USP29: variants seen among roughly 807,000 people sequenced by gnomAD.
USP29 encodes the protein ubiquitin carboxyl-terminal hydrolase 29.
For synonymous variants in USP29, 386 were observed against 387.4 expected (o/e 1.00, Z 0.04); for missense variants, 1,102 against 1,069.0 (o/e 1.03, Z -0.43).
chr19:57,129,807 G>A lies in USP29; in HGVS notation c.1132G>A (p.Gly378Ser), dbSNP rs370292359. Reference protein sequence around the residue: ...NMQNDAHEFLGQCLDQLKEDM... With the variant: ...NMQNDAHEFLSQCLDQLKEDM... ...GCAGAATGATGCTCATGAGTTTTTA[G>A]GTCAGTGTTTAGACCAGCTGAAAGA... Residue 378 changes from glycine to serine, a missense_variant, in exon 4 of 4, where the codon GGT (glycine) becomes AGT (serine). By Grantham distance (56) the Gly-to-Ser change is moderately conservative. Coordinates refer to ENST00000254181, the MANE Select transcript of USP29 (RefSeq NM_020903.3). 1.4e-4 allele frequency: 229 copies of A among 1,614,014 alleles called. No homozygotes were observed. Among genetic ancestry groups the A allele is most frequent in the Non-Finnish European group, 1.9e-4 (224 of 1,180,042 alleles).
rs757263775 is a variant in USP29 at position 57,129,051 on chromosome 19, C to T, written c.376C>T (p.Leu126=). The T allele has an allele frequency of 6.2e-7, 1 of 1,613,072 alleles. No individual in the cohort carries two copies. The highest frequency in any genetic ancestry group is 8.5e-7 in the Non-Finnish European group (1 of 1,179,672). Residue 126 remains leucine, a synonymous_variant, in exon 4 of 4, where the codon CTG becomes TTG. Coordinates refer to ENST00000254181, the MANE Select transcript of USP29 (RefSeq NM_020903.3). ...GAGTGTGTTTGAAAGCAGGAATATG[C>T]TGAAGGAAATTGACAAAACTTCATT... ...DWSVFESRNM[L]KEIDKTSFYS...
In USP29 at chr19:57,130,174, TTAG is replaced by T. The variant is rs2086848783; in HGVS notation, c.1503_1505del (p.Ser501del). On this transcript the variant is annotated inframe_deletion, in exon 4 of 4. Coordinates refer to ENST00000254181, the MANE Select transcript of USP29 (RefSeq NM_020903.3). Reference sequence around the variant, plus strand: ...AAGAGTTGTGTTGCAAGGCATACATTTAGTAGGCTCTCCAGGGTCCTTATCATT... The same window carrying T: ...AAGAGTTGTGTTGCAAGGCATACATTTAGGCTCTCCAGGGTCCTTATCATT... 1 of 1,613,954 alleles carries T rather than the reference TTAG, an allele frequency of 6.2e-7. No individual in the cohort carries two copies. The highest frequency in any genetic ancestry group is 1.1e-5 in the South Asian group (1 of 91,060).
rs1391286824 is a variant in USP29, at chr19:57,130,300, A to G, written c.1625A>G (p.Asn542Ser). 1.2e-6 allele frequency: 2 copies of G among 1,614,104 alleles called. No individual in the cohort carries two copies. The highest frequency in any genetic ancestry group is 2.2e-5 in the East Asian group (1 of 44,886). ...TCTTTAAGTTTATCTTCTTATTGCA[A>G]TGAAAGCACCAAACCACCTCTTCCC... ...PKSLSLSSYC[N>S]ESTKPPLPLS... Residue 542 changes from asparagine to serine, a missense_variant, in exon 4 of 4, where the codon AAT becomes AGT. By Grantham distance (46) the Asn-to-Ser change is conservative. Transcript: ENST00000254181.
rs1403106355 is a variant in USP29 at position 57,131,856 on chromosome 19, G to A, written c.*412G>A. The A allele has an allele frequency of 2.6e-5, 5 of 189,924 alleles. No homozygotes were observed. Among genetic ancestry groups the A allele is most frequent in the Admixed American group, 5.7e-5 (1 of 17,634 alleles). The allele number at this position is 189,924 out of a possible 1,614,324, so 11.8% of individuals were successfully genotyped here. A position where few individuals can be genotyped will look rare whatever the true frequency, so the allele number is the denominator to read the frequency against. On this transcript the variant is annotated 3_prime_UTR_variant, in exon 4 of 4. Coordinates refer to ENST00000254181, the MANE Select transcript of USP29 (RefSeq NM_020903.3). ...AAAGTTTGAAGAACACTGGTAATGTGTGGAGTATCTTGGTGTATTTTGCTA... is the reference window on the plus strand; with the variant it reads ...AAAGTTTGAAGAACACTGGTAATGTATGGAGTATCTTGGTGTATTTTGCTA...
In USP29 at chr19:57,130,506, G is replaced by A; in HGVS notation, c.1831G>A (p.Gly611Arg). The A allele has an allele frequency of 6.2e-7, 1 of 1,614,186 alleles. No homozygotes were observed. Among genetic ancestry groups the A allele is most frequent in the South Asian group, 1.1e-5 (1 of 91,080 alleles). Residue 611 changes from glycine (G) to arginine (R), a missense_variant, in exon 4 of 4, where the codon GGA (glycine) becomes AGA (arginine). By Grantham distance (125) the Gly-to-Arg change is moderately radical (BLOSUM62 -2). Transcript: ENST00000254181. The stretch of plus-strand genomic sequence containing the variant: ...CCTACAAAGATTCCAGAGAGACTGT[G>A]GAGATGCAAGCCAAGAGCAGCATCA... ...ADLQRFQRDC[G>R]DASQEQHQRD...
At position 57,130,368 on chromosome 19, in the gene USP29, G is replaced by A. The variant is rs777048841; in HGVS notation, c.1693G>A (p.Val565Ile). Reference sequence around the variant, plus strand: ...TGTTGGGAAATGTGAAGTCCTGGAAGTCTCTCAGGAGATGATTTCTGAGAT... The same window carrying A: ...TGTTGGGAAATGTGAAGTCCTGGAAATCTCTCAGGAGATGATTTCTGAGAT... The part of the protein sequence containing the change: ...APVGKCEVLE[V>I]SQEMISEINS... Residue 565 changes from valine to isoleucine, a missense_variant, in exon 4 of 4, where the codon GTC (valine) becomes ATC (isoleucine). Physicochemically the swap from Val to Ile is conservative, Grantham distance 29. Coordinates refer to ENST00000254181, the MANE Select transcript of USP29 (RefSeq NM_020903.3). The A allele has an allele frequency of 2.5e-6, 4 of 1,614,188 alleles. No homozygotes were observed. The highest frequency in any genetic ancestry group is 3.4e-6 in the Non-Finnish European group (4 of 1,180,028).
rs766037006 is a variant in USP29 at position 57,131,154 on chromosome 19, A to G, written c.2479A>G (p.Ser827Gly). The G allele has an allele frequency of 2.5e-6, 4 of 1,614,106 alleles. No homozygotes were observed. The stretch of plus-strand genomic sequence containing the variant: ...TCCTCTCCAGGCCTACAGACTCATC[A>G]GTGTTGTCAGCCATATCGGGAGCTC... ...GDPLQAYRLI[S>G]VVSHIGSSPN... The change falls in exon 4 of 4, where the codon AGT becomes GGT. Residue 827 changes from serine (S) to glycine (G), a missense_variant. Physicochemically the swap from Ser to Gly is moderately conservative, Grantham distance 56. Coordinates refer to ENST00000254181, the MANE Select transcript of USP29 (RefSeq NM_020903.3).
In USP29 at chr19:57,128,993, A is replaced by G. The variant is rs1378233696; in HGVS notation, c.318A>G (p.Lys106=). 3 of 1,614,168 alleles carry G rather than the reference A, an allele frequency of 1.9e-6. No individual in the cohort carries two copies. Among genetic ancestry groups the G allele is most frequent in the Non-Finnish European group, 2.5e-6 (3 of 1,180,028 alleles). Residue 106 remains lysine (K), a synonymous_variant, in exon 4 of 4, where the codon AAA becomes AAG. Coordinates refer to ENST00000254181, the MANE Select transcript of USP29 (RefSeq NM_020903.3). ...NMFLDIIHQN[K]SQQPMKSDDD... ...TCCTGGACATAATCCACCAAAACAA[A>G]TCTCAGCAACCCATGAAATCTGATG... is the stretch of plus-strand genomic sequence containing the variant.
chr19:57,125,008 C>T (rs1313768087), intron 3 of USP29, among the ~76,000 whole-genome samples: 2 of 152,050 alleles, frequency 1.3e-5, no homozygotes, highest in South Asian at 2.1e-4. Context: ...AATATGATGT[C>T]GACAATTAAT....
chr19:57,129,829 A>G lies in USP29; in HGVS notation c.1154A>G (p.Lys385Arg), dbSNP rs771877746. 2 of 1,614,198 alleles carry G rather than the reference A, an allele frequency of 1.2e-6. No individual in the cohort carries two copies. Among genetic ancestry groups the G allele is most frequent in the Non-Finnish European group, 1.7e-6 (2 of 1,180,038 alleles). Residue 385 changes from lysine to arginine, a missense_variant, in exon 4 of 4, where the codon AAA becomes AGA. Coordinates refer to ENST00000254181, the MANE Select transcript of USP29 (RefSeq NM_020903.3). ...TTAGGTCAGTGTTTAGACCAGCTGA[A>G]AGAAGACATGGAAAAATTAAATGCC... ...EFLGQCLDQL[K>R]EDMEKLNATL... is the part of the protein sequence containing the mutation.
At chr19:57,124,397 G>A (rs1282471193) in intron 3 of USP29, among the ~76,000 whole-genome samples, 2 of 144,924 alleles carry the variant, frequency 1.4e-5, no homozygotes, top group Non-Finnish European at 1.5e-5. Context: ...TCCCCACCTC[G>A]GTTTTGCTAA....
Position 57,128,748 on chromosome 19 carries a change from G to A in USP29, c.73G>A (p.Ala25Thr). 1 of 1,612,502 alleles carries A rather than the reference G, an allele frequency of 6.2e-7. No individual in the cohort carries two copies. The highest frequency in any genetic ancestry group is 8.5e-7 in the Non-Finnish European group (1 of 1,179,612). ...QKTGMTKLKE[A>T]LIETVQRQKE... ...GACTGGGATGACTAAGCTGAAAGAA[G>A]CTCTCATTGAAACAGTGCAAAGACA... is the stretch of plus-strand genomic sequence containing the variant. The change falls in exon 4 of 4, where the codon GCT (alanine) becomes ACT (threonine). Residue 25 changes from alanine to threonine, a missense_variant. Ala to Thr is a moderately conservative substitution (Grantham distance 58, BLOSUM62 0). Coordinates refer to ENST00000254181, the MANE Select transcript of USP29 (RefSeq NM_020903.3).
chr19:57,124,490 TG>T, intron 3 of USP29, among the ~76,000 whole-genome samples: 1 of 144,206 alleles, frequency 6.9e-6, no homozygotes, highest in South Asian at 2.2e-4. Flanking sequence ...TTTTCTTTTT[TG>T]TTTTTTTTTT....
In USP29 at chr19:57,130,248, A is replaced by T; in HGVS notation, c.1573A>T (p.Asn525Tyr). 1 of 1,614,176 alleles carries T rather than the reference A, an allele frequency of 6.2e-7. No individual in the cohort carries two copies. The highest frequency in any genetic ancestry group is 8.5e-7 in the Non-Finnish European group (1 of 1,180,030). The stretch of plus-strand genomic sequence containing the variant: ...CAACAATGCTTGGTTGCTGGTGAAG[A>T]ATAACGAGCAAGTTTATATTCCCAA... ...SFNNAWLLVK[N>Y]NEQVYIPKSL... The change falls in exon 4 of 4, where the codon AAT (asparagine) becomes TAT (tyrosine). Residue 525 changes from asparagine (N) to tyrosine (Y), a missense_variant. Physicochemically the swap from Asn to Tyr is moderately radical, Grantham distance 143. Transcript: ENST00000254181.
chr19:57,119,485 C>T (rs1222618128), upstream of USP29, among the ~76,000 whole-genome samples: 1 of 152,124 alleles, frequency 6.6e-6, no homozygotes, highest in East Asian at 1.9e-4. Flanking sequence ...TGTAGTGGCG[C>T]CATCTCCGCT....
Position 57,129,381 on chromosome 19 carries a change from C to T in USP29, c.706C>T (p.Pro236Ser). Residue 236 changes from proline (P) to serine (S), a missense_variant, in exon 4 of 4, where the codon CCT becomes TCT. Pro to Ser is a moderately conservative substitution (Grantham distance 74). Coordinates refer to ENST00000254181, the MANE Select transcript of USP29 (RefSeq NM_020903.3). ...ATTCAATACCAACTGTAATGGAAAT[C>T]CTAACCTAGATGAGACTGTTCTTGC... ...PSFNTNCNGN[P>S]NLDETVLATQ... 6.2e-7 allele frequency: 1 copy of T among 1,614,146 alleles called. No homozygotes were observed. Among genetic ancestry groups the T allele is most frequent in the Non-Finnish European group, 8.5e-7 (1 of 1,180,020 alleles).
Position 57,131,090 on chromosome 19 carries a change from T to C in USP29, c.2415T>C (p.Gly805=). 5 of 1,613,876 alleles carry C rather than the reference T, an allele frequency of 3.1e-6. No individual in the cohort carries two copies. The highest frequency in any genetic ancestry group is 3.4e-6 in the Non-Finnish European group (4 of 1,179,958). ...KNILDAENTR[G]EAKELTRNVK... is the part of the protein sequence containing the mutation. ...TTTTAGATGCAGAGAACACAAGAGG[T>C]GAAGCCAAGGAACTAACAAGAAACG... The change falls in exon 4 of 4, where the codon GGT becomes GGC. Residue 805 remains glycine (G), a synonymous_variant. Transcript: ENST00000254181.
chr19:57,127,765 C>T (rs553649230), intron 3 of USP29, among the ~76,000 whole-genome samples: 3 of 152,220 alleles, frequency 2.0e-5, no homozygotes, highest in Admixed American at 6.5e-5. Flanking sequence ...CTGGCTTCAG[C>T]CCCCTTTCCA....
At chr19:57,122,031 A>T (rs1482520641) in intron 1 of USP29, among the ~76,000 whole-genome samples, 1 of 152,162 alleles carries the variant, frequency 6.6e-6, no homozygotes, top group Non-Finnish European at 1.5e-5. Context: ...GGCAAAATAT[A>T]CACAATTGGT....
Sources: gnomAD v4.1 joint callset for allele counts (sites outside exome capture counted in the v4.1 genomes callset) on GRCh38, gnomAD v4.1.1 for gene constraint, MANE v1.5 for transcripts, NCBI Gene and HGNC (gene_info 2026-07-23, HGNC 2026-07-21) for gene names.